Variants in FBP2 observed in about 807,000 individuals in gnomAD.
The protein encoded by FBP2 is fructose-bisphosphatase 2, also known as fructose-1,6-bisphosphatase isozyme 2.
A neutral mutation model predicts 31.6 loss-of-function variants in FBP2; 27 were observed. The ratio of observed to expected loss-of-function variants is 0.85; its 90% CI spans 0.63 to 1.18. The LOEUF is 1.18. FBP2 is among the 50% of genes most tolerant of loss of function. The pLI, the probability that FBP2 is intolerant of heterozygous loss-of-function variation, is 0.00. For missense variants in FBP2, 421 were observed against 436.1 expected, an observed-to-expected ratio of 0.97 and a Z score of 0.31; for synonymous variants, 168 against 179.8, an observed-to-expected ratio of 0.93 and a Z score of 0.53.
At chr9:94,579,921 C>T (rs1476105266) in intron 3 of FBP2, among the ~76,000 whole-genome samples, 2 of 152,158 alleles carry the variant, frequency 1.3e-5, no homozygotes, top group Non-Finnish European at 2.9e-5. Context: ...TTACTTGATT[C>T]TGTACTTTCC....
In FBP2 at chr9:94,582,363, T is replaced by C. The variant is rs867591065; in HGVS notation, c.426+2214A>G. Among the ~76,000 whole-genome samples the C allele has an allele frequency of 2.4e-3, 371 of 151,440 alleles. 13 individuals are homozygous for C. The South Asian group carries it at 0.074, about 30-fold the overall frequency. On this transcript the variant is annotated intron_variant, in intron 3 of 6. Transcript: ENST00000375337. Reference sequence around the variant, plus strand: ...ATGTGTGTGTGTGCGTGTGTGTGTGTGTGTGTGTGTGTGTGTGTGTGTGTA... The same window carrying C: ...ATGTGTGTGTGTGCGTGTGTGTGTGCGTGTGTGTGTGTGTGTGTGTGTGTA...
chr9:94,588,477 G>C (rs1044752280), intron 1 of FBP2, among the ~76,000 whole-genome samples: 1 of 152,066 alleles, frequency 6.6e-6, no homozygotes, highest in Non-Finnish European at 1.5e-5. Flanking sequence ...ACAAAAATTA[G>C]CTGGATGTGG....
chr9:94,567,311 C>T lies in FBP2; in HGVS notation c.664G>A (p.Ala222Thr). 1 of 1,614,184 alleles carries T rather than the reference C, an allele frequency of 6.2e-7. No homozygotes were observed. Among genetic ancestry groups the T allele is most frequent in the Non-Finnish European group, 8.5e-7 (1 of 1,180,028 alleles). The change falls in exon 5 of 7, where the codon GCG (alanine) becomes ACG (threonine). Residue 222 changes from alanine to threonine, a missense_variant. Coordinates refer to ENST00000375337, the MANE Select transcript of FBP2 (RefSeq NM_003837.4). ...LNEGYAKYFD[A>T]ATTEYVQKKK... The stretch of plus-strand genomic sequence containing the variant: ...TTCTGCACATATTCAGTGGTGGCCG[C>T]ATCAAAATACTTGGCATAGCCCTCA...
At chr9:94,588,926 C>T (rs370576120) in intron 1 of FBP2, among the ~76,000 whole-genome samples, 49 of 152,284 alleles carry the variant, frequency 3.2e-4, no homozygotes, top group African/African-American at 1.1e-3. Flanking sequence ...GCCTTGCTGC[C>T]CCACCTGGGA....
At chr9:94,591,695 G>C (rs994440443) in intron 1 of FBP2, among the ~76,000 whole-genome samples, 2 of 152,200 alleles carry the variant, frequency 1.3e-5, no homozygotes, top group African/African-American at 4.8e-5. Flanking sequence ...GTAGTGACAG[G>C]CACTGTGCGT....
intron 5 of FBP2, among the ~76,000 whole-genome samples, chr9:94,564,903 T>C: frequency 6.6e-6 from 1 of 152,158 alleles, no homozygotes; most frequent in East Asian, 1.9e-4. Context: ...AACAATAATA[T>C]ATGACATATT....
intron 4 of FBP2, chr9:94,567,646 A>G: frequency 2.1e-6 from 1 of 476,226 alleles, no homozygotes; most frequent in Admixed American, 3.3e-5. Context: ...AATTCTAAGG[A>G]AGCAGCCCAT....
chr9:94,593,382 G>T (rs1021230824), intron 1 of FBP2, among the ~76,000 whole-genome samples, 175 bp downstream of exon 1: 1 of 152,236 alleles, frequency 6.6e-6, no homozygotes, highest in Non-Finnish European at 1.5e-5. Context: ...CTCAAAACAA[G>T]TCAAAGGCCC....
chr9:94,570,876 C>G (rs981633111), intron 4 of FBP2: 3 of 152,232 alleles, frequency 2.0e-5, no homozygotes, highest in African/African-American at 7.2e-5. Context: ...TCTCCGCTGT[C>G]TGGAGTGGTG....
intron 3 of FBP2, chr9:94,573,006 T>C (rs1827284609): frequency 6.6e-6 from 1 of 152,214 alleles, no homozygotes; most frequent in Non-Finnish European, 1.5e-5. Flanking sequence ...ACATAGACCA[T>C]CATGTCGTCT....
chr9:94,561,774 C>T (rs1218958169), intron 6 of FBP2, among the ~76,000 whole-genome samples: 1 of 152,076 alleles, frequency 6.6e-6, no homozygotes, highest in African/African-American at 2.4e-5. Flanking sequence ...AGAGAGACGT[C>T]GGCACAGGGA....
chr9:94,565,965 C>G (rs539320), intron 5 of FBP2, among the ~76,000 whole-genome samples: 63,083 of 151,948 alleles, frequency 0.42, 13,785 homozygotes, highest in East Asian at 0.69. Context: ...TGGCCCACAT[C>G]TGCTTATTTT....
At chr9:94,582,937 C>T (rs1286722277) in intron 3 of FBP2, among the ~76,000 whole-genome samples, 1 of 149,824 alleles carries the variant, frequency 6.7e-6, no homozygotes, top group Non-Finnish European at 1.5e-5. Flanking sequence ...TCACTGCAAC[C>T]TCTGCCCCCG....
rs1400109335 is a variant in FBP2, at chr9:94,593,539, C to T, written c.170+18G>A. 2 of 1,607,746 alleles carry T rather than the reference C, an allele frequency of 1.2e-6. No individual in the cohort carries two copies. Among genetic ancestry groups the T allele is most frequent in the Admixed American group, 3.4e-5 (2 of 59,684 alleles). ...GCCTGGGGTGCTCTGTGCCCCATGC[C>T]TGCTCCCCAGGACTCACAGGTGGGC... is the stretch of plus-strand genomic sequence containing the variant. On this transcript the variant is annotated intron_variant, in intron 1 of 6. Transcript: ENST00000375337.
chr9:94,584,635 C>G lies in FBP2; in HGVS notation c.368G>C (p.Gly123Ala), dbSNP rs1178351975. 1.2e-6 allele frequency: 2 copies of G among 1,613,788 alleles called. No individual in the cohort carries two copies. The highest frequency in any genetic ancestry group is 2.7e-5 in the African/African-American group (2 of 75,022). The change falls in exon 3 of 7, where the codon GGA (glycine) becomes GCA (alanine). Residue 123 changes from glycine (G) to alanine (A), a missense_variant. By Grantham distance (60) the Gly-to-Ala change is moderately conservative. Transcript: ENST00000375337. ...GGCCAGGCAGTCAATATTGGAAGAT[C>G]CATCCAGTGGGTCAAAGCAGACCAC... is the stretch of plus-strand genomic sequence containing the variant. ...KYVVCFDPLD[G>A]SSNIDCLASI...
At chr9:94,577,563 A>C (rs1827328806) in intron 3 of FBP2, 1 of 152,186 alleles carries the variant, frequency 6.6e-6, no homozygotes, top group Non-Finnish European at 1.5e-5. Flanking sequence ...GCGAGACAAG[A>C]CTCATTATTT....
At chr9:94,582,338 ATGTG>A (rs138592246) in intron 3 of FBP2, among the ~76,000 whole-genome samples, 1 of 131,908 alleles carries the variant, frequency 7.6e-6, no homozygotes, top group African/African-American at 2.9e-5. Context: ...TCTGTTAAAT[ATGTG>A]TGTGTGTGCG....
At chr9:94,583,909 G>T (rs1279653126) in intron 3 of FBP2, among the ~76,000 whole-genome samples, 2 of 152,168 alleles carry the variant, frequency 1.3e-5, no homozygotes, top group Non-Finnish European at 2.9e-5. Flanking sequence ...AGCTGGCGAG[G>T]TTGCTATGGA....
chr9:94,563,395 C>T lies in FBP2; in HGVS notation c.772G>A (p.Val258Ile), dbSNP rs1587836707. 2 of 1,613,942 alleles carry T rather than the reference C, an allele frequency of 1.2e-6. No individual in the cohort carries two copies. Among genetic ancestry groups the T allele is most frequent in the Non-Finnish European group, 1.7e-6 (2 of 1,179,986 alleles). Residue 258 changes from valine (V) to isoleucine (I), a missense_variant, in exon 6 of 7, where the codon GTC becomes ATC. Physicochemically the swap from Val to Ile is conservative, Grantham distance 29. Transcript: ENST00000375337. Reference protein sequence around the residue: ...SMVADVHRTLVYGGIFLYPAN... With the variant: ...SMVADVHRTLIYGGIFLYPAN... ...GGGTACAGGAAGATTCCTCCATAGA[C>T]CAGGGTGCGGTGCACGTCAGCCACC...
Sources: allele counts gnomAD v4.1 joint callset (sites outside exome capture counted in the v4.1 genomes callset), GRCh38; gene constraint gnomAD v4.1.1; transcripts MANE v1.5; gene names NCBI Gene and HGNC (gene_info 2026-07-23, HGNC 2026-07-21).